The following TAC1 variants were observed in gnomAD, a reference collection of about 807,000 sequenced individuals.
TAC1 encodes the protein tachykinin precursor 1, also known as protachykinin-1.
Under a neutral mutation model 21.7 loss-of-function variants are expected in TAC1, and 12 were observed. That is an observed-to-expected ratio of 0.55 (90% CI 0.35 to 0.89). The LOEUF is 0.89. TAC1 is among the 40% of genes least tolerant of loss of function. The pLI is 0.01. For synonymous variants in TAC1, 52 were observed against 52.0 expected (o/e 1.00, Z 0.00); for missense variants, 128 against 151.4 (o/e 0.85, Z 0.81).
At chr7:97,735,546 C>T (rs1584417416) in intron 5 of TAC1, among the ~76,000 whole-genome samples, 2 of 152,120 alleles carry the variant, frequency 1.3e-5, no homozygotes, top group African/African-American at 4.8e-5. Context: ...ACCTATTGTA[C>T]CCTGTCATGG....
chr7:97,737,499 G>C (rs1004358704), intron 6 of TAC1, among the ~76,000 whole-genome samples: 1 of 150,052 alleles, frequency 6.7e-6, no homozygotes, highest in African/African-American at 2.4e-5. Flanking sequence ...ACGCGCAATA[G>C]AAAAAAAAAG....
chr7:97,734,118 C>A, intron 3 of TAC1, 130 bp from the exon 4 acceptor site: 1 of 887,408 alleles, frequency 1.1e-6, no homozygotes, highest in Non-Finnish European at 1.8e-6. Flanking sequence ...GATCCAAGTG[C>A]ATGTGGAAGA....
chr7:97,733,871 C>T (rs1789498422), intron 3 of TAC1, 52 bp downstream of exon 3: 2 of 1,552,770 alleles, frequency 1.3e-6, no homozygotes, highest in Middle Eastern at 1.7e-4. Context: ...CCTGTCTGCT[C>T]ACTCCTTCCT....
rs1297824228 is a variant in TAC1 at position 97,739,884 on chromosome 7, A to G, written c.354A>G (p.Glu118=). 1.2e-6 allele frequency: 2 copies of G among 1,605,812 alleles called. No individual in the cohort carries two copies. The highest frequency in any genetic ancestry group is 1.7e-6 in the Non-Finnish European group (2 of 1,176,450). Residue 118 remains glutamate, a synonymous_variant, in exon 7 of 7, where the codon GAA becomes GAG. Transcript: ENST00000319273. ...CTTCTTTGTTTTCAGTGGCTTATGA[A>G]AGGAGTGCAATGCAGAATTATGAAA... ...GKRALNSVAY[E]RSAMQNYERR...
intron 5 of TAC1, 130 bp downstream of exon 5, chr7:97,734,979 A>C: frequency 3.1e-6 from 2 of 654,202 alleles, no homozygotes; most frequent in South Asian, 2.4e-5. Context: ...ACAATATAAG[A>C]ATGGGGGAGA....
chr7:97,736,773 C>G (rs1789581984), intron 6 of TAC1, among the ~76,000 whole-genome samples: 1 of 151,910 alleles, frequency 6.6e-6, no homozygotes. Context: ...GGCGATCTTC[C>G]AATACAAAAA....
chr7:97,736,452 A>C, intron 6 of TAC1, 100 bp downstream of exon 6: 1 of 1,114,164 alleles, frequency 9.0e-7, no homozygotes, highest in Non-Finnish European at 1.3e-6. Context: ...TGGTAGATAT[A>C]AAAATGAGTA....
intron 5 of TAC1, 53 bp downstream of exon 5, chr7:97,734,902 GA>G: frequency 1.5e-6 from 2 of 1,364,144 alleles, no homozygotes; most frequent in South Asian, 2.4e-5. Context: ...AAATTATATT[GA>G]ATTTCACTTT....
chr7:97,734,894 A>G (rs1789547740), intron 5 of TAC1, 45 bp downstream of exon 5: 1 of 1,408,492 alleles, frequency 7.1e-7, no homozygotes, highest in South Asian at 1.2e-5. Context: ...TAAATGTAAA[A>G]TTATATTGAA....
intron 3 of TAC1, 24 bp from the exon 4 acceptor site, chr7:97,734,224 T>C (rs1789508041): frequency 6.2e-7 from 1 of 1,612,328 alleles, no homozygotes; most frequent in Non-Finnish European, 8.5e-7. Flanking sequence ...AACATGTAGT[T>C]AATGACAATT....
intron 6 of TAC1, among the ~76,000 whole-genome samples, chr7:97,737,557 A>C (rs1789606174): frequency 6.6e-6 from 1 of 152,020 alleles, no homozygotes; most frequent in African/African-American, 2.4e-5. Flanking sequence ...TATTCATATA[A>C]TTGAAAAGTT....
At chr7:97,734,018 G>A (rs893505156) in intron 3 of TAC1, 199 bp downstream of exon 3, 2 of 685,650 alleles carry the variant, frequency 2.9e-6, no homozygotes, top group Non-Finnish European at 4.9e-6. Flanking sequence ...TGGTTCGCAT[G>A]CCTCACTGTA....
At chr7:97,736,808 T>G (rs1457695632) in intron 6 of TAC1, among the ~76,000 whole-genome samples, 4 of 152,116 alleles carry the variant, frequency 2.6e-5, no homozygotes, top group African/African-American at 9.6e-5. Context: ...AAATTCTTTA[T>G]GCAAATTAAT....
At chr7:97,739,770 G>A in intron 6 of TAC1, 104 bp from the exon 7 acceptor site, 1 of 690,260 alleles carries the variant, frequency 1.4e-6, no homozygotes, top group South Asian at 2.2e-5. Context: ...GAGGGAAAAT[G>A]TCATTATGAG....
chr7:97,735,225 A>G (rs1789553802), intron 5 of TAC1, among the ~76,000 whole-genome samples: 2 of 152,184 alleles, frequency 1.3e-5, no homozygotes, highest in African/African-American at 2.4e-5. Flanking sequence ...ACAAGCATTT[A>G]TAGGCATCTC....
At chr7:97,734,327 T>G (rs1243611077) in intron 4 of TAC1, 35 bp downstream of exon 4, 5 of 1,565,962 alleles carry the variant, frequency 3.2e-6, no homozygotes, top group Non-Finnish European at 4.4e-6. Context: ...TTTACTATTG[T>G]GAAAGCACAT....
chr7:97,738,169 A>G (rs1170653414), intron 6 of TAC1, among the ~76,000 whole-genome samples: 6 of 152,004 alleles, frequency 3.9e-5, no homozygotes, highest in African/African-American at 1.4e-4. Context: ...TCAATCAGGG[A>G]TCTTTTTATG....
chr7:97,736,680 G>C (rs1228231228), intron 6 of TAC1, among the ~76,000 whole-genome samples: 1 of 152,002 alleles, frequency 6.6e-6, no homozygotes, highest in Admixed American at 6.6e-5. Flanking sequence ...TGAACTAAGG[G>C]GGAGTGGGGA....
rs538890724 is a variant in TAC1, at chr7:97,739,739, A to G, written c.344-135A>G. 2.3e-5 allele frequency: 13 copies of G among 563,074 alleles called. No individual in the cohort carries two copies. The East Asian group carries it at 2.4e-4, about 11-fold the overall frequency. 34.9% of individuals were successfully genotyped at this position (563,074 alleles called of 1,614,324 possible). A position where few individuals can be genotyped will look rare whatever the true frequency, so the allele number is the denominator to read the frequency against. Reference sequence around the variant, plus strand: ...CAGGATTGGAAGATGTGCAGATAACATTCTTAGAAATACTTCTGTAGAGGG... The same window carrying G: ...CAGGATTGGAAGATGTGCAGATAACGTTCTTAGAAATACTTCTGTAGAGGG... On this transcript the variant is annotated intron_variant, in intron 6 of 6. Coordinates refer to ENST00000319273, the MANE Select transcript of TAC1 (RefSeq NM_003182.3).
Sources: gnomAD v4.1 joint callset for allele counts (sites outside exome capture counted in the v4.1 genomes callset) on GRCh38, gnomAD v4.1.1 for gene constraint, MANE v1.5 for transcripts, NCBI Gene and HGNC (gene_info 2026-07-23, HGNC 2026-07-21) for gene names.